Variants in WWTR1 observed in about 807,000 individuals in gnomAD.
The protein encoded by WWTR1 is WW domain-containing transcription regulator protein 1.
WWTR1 carries 13 observed loss-of-function variants against 40.1 expected under a neutral mutation model. The ratio of observed to expected loss-of-function variants is 0.32; its 90% confidence interval spans 0.21 to 0.52. WWTR1 has a LOEUF of 0.52. WWTR1 is among the 20% of genes least tolerant of loss of function. The probability of loss-of-function intolerance (pLI) is 0.97; values close to 1 mark genes in which losing one functional copy is unlikely to be tolerated. For synonymous variants in WWTR1, 230 were observed against 210.1 expected (o/e 1.09, Z -0.82); for missense variants, 436 against 523.1 (o/e 0.83, Z 1.63).
At chr3:149,561,998 T>A (rs1737102175) in intron 3 of WWTR1, among the ~76,000 whole-genome samples, 1 of 152,134 alleles carries the variant, frequency 6.6e-6, no homozygotes, top group Non-Finnish European at 1.5e-5. Context: ...AAAAATATTA[T>A]AGAAAAATAT....
At chr3:149,709,646 C>T (rs1050621723) in intron 5 of WWTR1, among the ~76,000 whole-genome samples, 2 of 152,120 alleles carry the variant, frequency 1.3e-5, no homozygotes, top group East Asian at 3.9e-4. Flanking sequence ...GGCTCACGAC[C>T]GTAATCCCAG....
At chr3:149,608,119 C>T (rs1465168433) in intron 2 of WWTR1, among the ~76,000 whole-genome samples, 11 of 152,018 alleles carry the variant, frequency 7.2e-5, no homozygotes, top group Non-Finnish European at 2.9e-5. Context: ...TTGTTGAATT[C>T]TGAGTATAAT....
chr3:149,593,775 T>G (rs1409528272), intron 2 of WWTR1, among the ~76,000 whole-genome samples: 1 of 152,232 alleles, frequency 6.6e-6, no homozygotes. Flanking sequence ...AAAACATTGT[T>G]GTGGGAATTA....
chr3:149,641,406 A>G (rs1365612083), intron 2 of WWTR1, among the ~76,000 whole-genome samples: 1 of 152,216 alleles, frequency 6.6e-6, no homozygotes, highest in Non-Finnish European at 1.5e-5. Context: ...TTAAAGGACA[A>G]TGCACTTTAA....
At position 149,614,969 on chromosome 3, in the gene WWTR1, GC is replaced by G. The variant is rs147193549; in HGVS notation, c.431+41906del. Among the ~76,000 whole-genome samples the G allele has an allele frequency of 1.7e-3, 258 of 151,958 alleles. 9 individuals are homozygous for G. The East Asian group carries it at 0.047, about 28-fold the overall frequency. ...TTGTACTCCAGCCTGGGAGACAAGA[GC>G]AAAACTCTGTCTCAAAAAAAAAAAG... On this transcript the variant is annotated intron_variant, in intron 2 of 6. Transcript: ENST00000360632.
chr3:149,594,594 G>A (rs1320022447), intron 2 of WWTR1, among the ~76,000 whole-genome samples: 1 of 151,806 alleles, frequency 6.6e-6, no homozygotes, highest in Non-Finnish European at 1.5e-5. Context: ...TTCAAAACAG[G>A]TTAAGACGAA....
intron 6 of WWTR1, among the ~76,000 whole-genome samples, chr3:149,524,327 G>GTTTTTTTTTTTTTTTTTTTT (rs3044124): frequency 7.2e-6 from 1 of 139,292 alleles, no homozygotes. Context: ...CTCTTTTATG[G>GTTTTTTTTTTTTTTTTTTTT]TTTTTTTTTT....
chr3:149,592,055 G>A (rs1738751079), intron 2 of WWTR1, among the ~76,000 whole-genome samples: 1 of 152,034 alleles, frequency 6.6e-6, no homozygotes, highest in Admixed American at 6.6e-5. Flanking sequence ...CACAGCTATG[G>A]GGCAAGGTAA....
intron 2 of WWTR1, among the ~76,000 whole-genome samples, chr3:149,643,821 C>T (rs1230352719): frequency 6.6e-6 from 1 of 152,198 alleles, no homozygotes; most frequent in Non-Finnish European, 1.5e-5. Flanking sequence ...GAGAAACACA[C>T]CACAGAGCTA....
rs1178399469 is a variant in WWTR1 at position 149,657,001 on chromosome 3, A to G, written c.306T>C (p.Ala102=). 2.5e-6 allele frequency: 4 copies of G among 1,597,846 alleles called. No individual in the cohort carries two copies. The highest frequency in any genetic ancestry group is 3.4e-6 in the Non-Finnish European group (4 of 1,176,592). The part of the protein sequence containing the change: ...ASLQLGTGAG[A]AGSPAQQHAH... ...CGTGCTGCTGCGCGGGGCTACCCGC[A>G]GCACCCGCGCCGGTGCCCAGCTGCA... Residue 102 remains alanine (A), a synonymous_variant, in exon 2 of 7, where the codon GCT becomes GCC. Coordinates refer to ENST00000360632, the MANE Select transcript of WWTR1 (RefSeq NM_015472.6).
At chr3:149,607,535 C>T (rs1320537185) in intron 2 of WWTR1, among the ~76,000 whole-genome samples, 4 of 152,092 alleles carry the variant, frequency 2.6e-5, no homozygotes, top group East Asian at 1.9e-4. Context: ...AGGATGGTCT[C>T]GATCTCCTCA....
chr3:149,527,896 G>T lies in WWTR1; in HGVS notation c.845C>A (p.Pro282His), dbSNP rs1735400198. 3.1e-6 allele frequency: 5 copies of T among 1,614,116 alleles called. No individual in the cohort carries two copies. The highest frequency in any genetic ancestry group is 4.2e-6 in the Non-Finnish European group (5 of 1,180,026). ...GGATCTCATGTCTGGGGTCATCGTG[G>T]GTGGGTTGACAGCAGCCTGAACTGG... is the stretch of plus-strand genomic sequence containing the variant. Reference protein sequence around the residue: ...LAPVQAAVNPPTMTPDMRSIT... With the variant: ...LAPVQAAVNPHTMTPDMRSIT... The change falls in exon 5 of 7, where the codon CCC becomes CAC. Residue 282 changes from proline to histidine, a missense_variant. Transcript: ENST00000360632.
At chr3:149,631,322 T>C (rs909495875) in intron 2 of WWTR1, among the ~76,000 whole-genome samples, 2 of 152,214 alleles carry the variant, frequency 1.3e-5, no homozygotes, top group Admixed American at 1.3e-4. Context: ...AAGTTGTTAC[T>C]CTGGGTGTAG....
At chr3:149,657,462 C>A in intron 1 of WWTR1, 153 bp from the exon 2 acceptor site, 1 of 895,064 alleles carries the variant, frequency 1.1e-6, no homozygotes, top group South Asian at 1.8e-5. Flanking sequence ...CCCAGACACT[C>A]AGCGGTAAGA....
intron 2 of WWTR1, among the ~76,000 whole-genome samples, chr3:149,668,031 T>A (rs769480833): frequency 2.0e-5 from 3 of 152,200 alleles, no homozygotes; most frequent in Non-Finnish European, 4.4e-5. Context: ...CTCGTATAGA[T>A]TGTACAGCCT....
At chr3:149,713,640 C>G (rs1046750384) in intron 5 of WWTR1, among the ~76,000 whole-genome samples, 7 of 152,250 alleles carry the variant, frequency 4.6e-5, no homozygotes, top group Admixed American at 3.3e-4. Context: ...CTCCACCTCC[C>G]AAAGTGCTGG....
At chr3:149,722,681 A>C (rs75849441) in intron 4 of WWTR1, among the ~76,000 whole-genome samples, 2,934 of 151,228 alleles carry the variant, frequency 0.019, 101 homozygotes, top group African/African-American at 0.067. Context: ...GCTTGATGGT[A>C]CCCTACAGGT....
At chr3:149,633,783 G>A (rs1711668811) in intron 2 of WWTR1, among the ~76,000 whole-genome samples, 1 of 152,142 alleles carries the variant, frequency 6.6e-6, no homozygotes, top group Non-Finnish European at 1.5e-5. Context: ...CTCCAGGGAA[G>A]GGGTACAAGC....
Position 149,656,903 on chromosome 3 carries a change from G to A in WWTR1, c.404C>T (p.Thr135Met), listed in dbSNP as rs762322089. ...GAGGAAGTACCTCTGGCCAGTGGCC[G>A]TGAAGGTCATCTCCCAGCCCGGGGG... ...PLPPGWEMTF[T>M]ATGQRYFLNH... The change falls in exon 2 of 7, where the codon ACG becomes ATG. Residue 135 changes from threonine (T) to methionine (M), a missense_variant. Transcript: ENST00000360632. The A allele has an allele frequency of 2.6e-6, 4 of 1,540,864 alleles. No individual in the cohort carries two copies. Among genetic ancestry groups the A allele is most frequent in the Non-Finnish European group, 3.5e-6 (4 of 1,150,558 alleles).
Sources: gnomAD v4.1 joint callset for allele counts (sites outside exome capture counted in the v4.1 genomes callset) on GRCh38, gnomAD v4.1.1 for gene constraint, MANE v1.5 for transcripts, NCBI Gene and HGNC (gene_info 2026-07-23, HGNC 2026-07-21) for gene names.